Variants in ACSL1 observed in about 807,000 individuals in gnomAD.
ACSL1 encodes the protein acyl-CoA synthetase long chain family member 1, also known as long-chain-fatty-acid--CoA ligase 1.
Under a neutral mutation model 98.4 loss-of-function variants are expected in ACSL1, and 41 were observed. The observed-to-expected ratio is 0.42, with a 90% CI of 0.32 to 0.54. The LOEUF is 0.54. ACSL1 is among the 20% of genes least tolerant of loss of function. The pLI is 0.13. For synonymous variants in ACSL1, 316 were observed against 322.7 expected (o/e 0.98, Z 0.22); for missense variants, 734 against 883.1 (o/e 0.83, Z 2.14).
In ACSL1 at chr4:184,760,509, C is replaced by A. The variant is rs752135929; in HGVS notation, c.1639-9G>T. The A allele has an allele frequency of 9.9e-6, 16 of 1,613,718 alleles. No individual in the cohort carries two copies. The East Asian group carries it at 3.1e-4, about 31-fold the overall frequency. ...ATTTTCAAGGTGCCATTCTGTTGAT[C>A]AGAGGGGAGGGGGTTATGAATGGGC... On this transcript the variant is annotated splice_polypyrimidine_tract_variant and intron_variant, in intron 17 of 20. Coordinates refer to ENST00000281455, the MANE Select transcript of ACSL1 (RefSeq NM_001995.5).
At chr4:184,819,103 A>T (rs1012114893) in intron 1 of ACSL1, among the ~76,000 whole-genome samples, 29 of 151,874 alleles carry the variant, frequency 1.9e-4, no homozygotes, top group African/African-American at 7.0e-4. Context: ...ATGGCATTCC[A>T]AATAGGCCAA....
rs976191789 is a variant in ACSL1 at position 184,756,282 on chromosome 4, T to C, written c.*843A>G. 2.6e-5 allele frequency: 4 copies of C among 152,678 alleles called. No individual in the cohort carries two copies. The highest frequency in any genetic ancestry group is 9.6e-5 in the African/African-American group (4 of 41,470). 9.5% of individuals were successfully genotyped at this position (152,678 alleles called of 1,614,324 possible). A position where few individuals can be genotyped will look rare whatever the true frequency, so the allele number is the denominator to read the frequency against. ...GTTATTCAGGCGTCACAGCTGAGCATGGCTGATCCAGGTAACTCTTTCTTG... is the reference window on the plus strand; with the variant it reads ...GTTATTCAGGCGTCACAGCTGAGCACGGCTGATCCAGGTAACTCTTTCTTG... On this transcript the variant is annotated 3_prime_UTR_variant, in exon 21 of 21. Coordinates refer to ENST00000281455, the MANE Select transcript of ACSL1 (RefSeq NM_001995.5).
intron 1 of ACSL1, chr4:184,813,836 A>G (rs1262897663): frequency 2.2e-6 from 1 of 456,082 alleles, no homozygotes; most frequent in African/African-American, 2.0e-5. Context: ...CAAGCTATGC[A>G]GGCACTTTCC....
intron 1 of ACSL1, among the ~76,000 whole-genome samples, chr4:184,813,348 A>T (rs934213972): frequency 6.6e-6 from 1 of 152,240 alleles, no homozygotes; most frequent in Admixed American, 6.5e-5. Flanking sequence ...AAGTTTACTG[A>T]TAAGAGCTAG....
chr4:184,788,639 G>C lies in ACSL1; in HGVS notation c.288C>G (p.Phe96Leu), dbSNP rs763693845. Residue 96 changes from phenylalanine to leucine, a missense_variant, in exon 3 of 21, where the codon TTC becomes TTG. Transcript: ENST00000281455. The part of the protein sequence containing the change: ...YDDVTTLYEG[F>L]QRGIQVSNNG... ...TACTTGACACCTGTATTCCCCTCTG[G>C]AAACCTTCGTATAATGTTGTGACAT... 2.9e-5 allele frequency: 46 copies of C among 1,613,974 alleles called. No individual in the cohort carries two copies. Among genetic ancestry groups the C allele is most frequent in the Non-Finnish European group, 3.6e-5 (42 of 1,180,006 alleles).
At chr4:184,818,623 C>T (rs890246253) in intron 1 of ACSL1, among the ~76,000 whole-genome samples, 7 of 152,172 alleles carry the variant, frequency 4.6e-5, no homozygotes, top group Non-Finnish European at 7.4e-5. Context: ...ATCTTACATG[C>T]TTACTAGCGG....
At chr4:184,795,531 T>C (rs1769208473) in intron 2 of ACSL1, among the ~76,000 whole-genome samples, 1 of 152,128 alleles carries the variant, frequency 6.6e-6, no homozygotes. Context: ...ACAATCAACC[T>C]CTTTCTTTCT....
rs181005655 is a variant in ACSL1 at position 184,803,060 on chromosome 4, G to A, written c.195+260C>T. ...GGCTGACCACAGTGCCTACCACAGC[G>A]TAGAAACTCAATGTCATTTCTAGAA... On this transcript the variant is annotated intron_variant, in intron 2 of 20. Transcript: ENST00000281455. This position sits in a 1 kb window ranked among gnomAD's most constrained non-coding sequence, Gnocchi z 4.8. Among the ~76,000 whole-genome samples, 8 of 152,256 alleles carry A rather than the reference G, an allele frequency of 5.3e-5. No individual in the cohort carries two copies. The highest frequency in any genetic ancestry group is 1.9e-4 in the East Asian group (1 of 5,186).
chr4:184,784,805 C>T (rs190823795), intron 3 of ACSL1, among the ~76,000 whole-genome samples: 28 of 152,260 alleles, frequency 1.8e-4, no homozygotes, highest in African/African-American at 5.3e-4. Context: ...GAATCAGCCA[C>T]GTGGCTGAGG....
At chr4:184,788,253 T>C in intron 3 of ACSL1, 1 of 361,854 alleles carries the variant, frequency 2.8e-6, no homozygotes, top group Non-Finnish European at 5.4e-6. Flanking sequence ...TCAGTATTTC[T>C]TTCTCAAAAT....
intron 3 of ACSL1, among the ~76,000 whole-genome samples, chr4:184,785,055 C>T (rs931209976): frequency 6.6e-6 from 1 of 152,210 alleles, no homozygotes; most frequent in African/African-American, 2.4e-5. Flanking sequence ...CCAAATCAGG[C>T]CCACTGGCTG....
At chr4:184,776,289 T>C (rs1277828973) in intron 7 of ACSL1, among the ~76,000 whole-genome samples, 195 bp downstream of exon 7, 1 of 152,260 alleles carries the variant, frequency 6.6e-6, no homozygotes, top group African/African-American at 2.4e-5. Context: ...AGGTGTGAGG[T>C]GTTAACACTG....
At chr4:184,806,997 T>A (rs565974607) in intron 1 of ACSL1, among the ~76,000 whole-genome samples, 4 of 152,362 alleles carry the variant, frequency 2.6e-5, no homozygotes, top group African/African-American at 4.8e-5. Flanking sequence ...GATAGCATTA[T>A]AAATCTTTTC....
At chr4:184,777,524 G>C (rs1379327089) in intron 5 of ACSL1, among the ~76,000 whole-genome samples, 1 of 150,520 alleles carries the variant, frequency 6.6e-6, no homozygotes, top group African/African-American at 2.4e-5. Flanking sequence ...GAGAGAGAAA[G>C]AAAGATGAGA....
chr4:184,801,853 A>G (rs902173013), intron 2 of ACSL1, among the ~76,000 whole-genome samples: 7 of 152,268 alleles, frequency 4.6e-5, no homozygotes. Context: ...GCTAAGCTAA[A>G]GCTTTAAAAC....
chr4:184,798,024 CAA>C (rs1328282889), intron 2 of ACSL1, among the ~76,000 whole-genome samples: 1 of 152,198 alleles, frequency 6.6e-6, no homozygotes, highest in Non-Finnish European at 1.5e-5. Flanking sequence ...ATCTCTCATG[CAA>C]AAGGGCCACC....
chr4:184,819,574 TG>T (rs1423481625), intron 1 of ACSL1, among the ~76,000 whole-genome samples: 1 of 152,114 alleles, frequency 6.6e-6, no homozygotes, highest in Non-Finnish European at 1.5e-5. Context: ...GTCAGGCAGA[TG>T]ACAGCACCCA....
intron 1 of ACSL1, among the ~76,000 whole-genome samples, chr4:184,822,062 A>C (rs1773106060): frequency 6.6e-6 from 1 of 152,228 alleles, no homozygotes; most frequent in Non-Finnish European, 1.5e-5. Flanking sequence ...CAGCTTTCAG[A>C]ATTTTATTTA....
intron 1 of ACSL1, chr4:184,805,503 C>T: frequency 1.3e-5 from 13 of 985,470 alleles, no homozygotes; most frequent in Non-Finnish European, 1.6e-5. Context: ...AAAGAAGGCA[C>T]CAGCACTTAA....
Sources: gnomAD v4.1 joint callset for allele counts (sites outside exome capture counted in the v4.1 genomes callset) on GRCh38, gnomAD v4.1.1 for gene constraint, Gnocchi (gnomAD v3.1) non-coding constraint, MANE v1.5 for transcripts, NCBI Gene and HGNC (gene_info 2026-07-23, HGNC 2026-07-21) for gene names.